The following GABBR2 variants were observed in gnomAD, a reference collection of about 807,000 sequenced individuals.
The protein encoded by GABBR2 is G-protein coupled receptor 51.
A neutral mutation model predicts 105.6 loss-of-function variants in GABBR2; 23 were observed. That is an observed-to-expected ratio of 0.22 (90% CI 0.16 to 0.31). The LOEUF (loss-of-function observed/expected upper bound fraction) is 0.31. Among genes scored for constraint, GABBR2 ranks in the 10% least tolerant of loss-of-function variants. The pLI is 1.00. For synonymous variants in GABBR2, 478 were observed against 499.7 expected (o/e 0.96, Z 0.58); for missense variants, 734 against 1,245.5 (o/e 0.59, Z 6.18).
chr9:98,417,694 G>T (rs974557801), intron 7 of GABBR2, among the ~76,000 whole-genome samples: 1 of 152,154 alleles, frequency 6.6e-6, no homozygotes, highest in Non-Finnish European at 1.5e-5. Context: ...CAAAATCGTT[G>T]TCTTCTAGAA....
At chr9:98,676,661 C>T (rs2131865738) in intron 1 of GABBR2, among the ~76,000 whole-genome samples, 1 of 152,290 alleles carries the variant, frequency 6.6e-6, no homozygotes, top group African/African-American at 2.4e-5. Context: ...ATTGCAACTA[C>T]TTCAATGAGG....
At chr9:98,707,848 C>T (rs966481026) in intron 1 of GABBR2, among the ~76,000 whole-genome samples, 6 of 152,230 alleles carry the variant, frequency 3.9e-5, no homozygotes, top group African/African-American at 1.4e-4. Context: ...CCCACACTTG[C>T]CCGCGCGGAG....
intron 1 of GABBR2, among the ~76,000 whole-genome samples, chr9:98,587,303 G>A (rs1372437320): frequency 1.3e-5 from 2 of 152,044 alleles, no homozygotes; most frequent in African/African-American, 2.4e-5. Context: ...ATCACCTCCC[G>A]CATTCTGAGT....
intron 4 of GABBR2, among the ~76,000 whole-genome samples, chr9:98,495,712 A>G (rs1330586071): frequency 2.0e-5 from 3 of 151,762 alleles, no homozygotes; most frequent in African/African-American, 7.3e-5. Flanking sequence ...TCCTCCACCA[A>G]ATGTTGTCTC....
chr9:98,664,796 G>T (rs1830312163), intron 1 of GABBR2, among the ~76,000 whole-genome samples: 1 of 152,116 alleles, frequency 6.6e-6, no homozygotes, highest in Non-Finnish European at 1.5e-5. Flanking sequence ...AGTATTTAGG[G>T]ATCCAGAAGT....
At chr9:98,702,234 C>T (rs895140251) in intron 1 of GABBR2, among the ~76,000 whole-genome samples, 11 of 152,076 alleles carry the variant, frequency 7.2e-5, no homozygotes, top group Admixed American at 3.3e-4. Flanking sequence ...CTCCTTGTCC[C>T]CCTAGGGTGC....
chr9:98,693,714 C>T (rs1257000802), intron 1 of GABBR2, among the ~76,000 whole-genome samples: 1 of 152,246 alleles, frequency 6.6e-6, no homozygotes, highest in Non-Finnish European at 1.5e-5. Flanking sequence ...AAGTTTTAAG[C>T]TCTTTCTACT....
chr9:98,603,156 C>G (rs1338728410), intron 1 of GABBR2, among the ~76,000 whole-genome samples: 2 of 152,222 alleles, frequency 1.3e-5, no homozygotes, highest in African/African-American at 2.4e-5. Context: ...AATACCCCCA[C>G]TCTCTCTGCC....
chr9:98,440,522 A>G (rs1466014030), intron 7 of GABBR2, among the ~76,000 whole-genome samples: 1 of 151,848 alleles, frequency 6.6e-6, no homozygotes, highest in East Asian at 1.9e-4. Flanking sequence ...CCCCCCTTCT[A>G]CAATTTACAA....
chr9:98,553,612 C>G (rs1171287695), intron 2 of GABBR2, among the ~76,000 whole-genome samples: 1 of 152,082 alleles, frequency 6.6e-6, no homozygotes, highest in Admixed American at 6.6e-5. Flanking sequence ...AAAAAAGAGG[C>G]AAAGCTGGGA....
At chr9:98,471,190 G>C (rs1298546233) in intron 6 of GABBR2, among the ~76,000 whole-genome samples, 2 of 152,182 alleles carry the variant, frequency 1.3e-5, no homozygotes, top group African/African-American at 4.8e-5. Flanking sequence ...TCGTAACTGT[G>C]GGGTAATGTA....
rs957369950 is a variant in GABBR2, at chr9:98,682,335, C to T, written c.321+26082G>A. Among the ~76,000 whole-genome samples, 9 of 145,810 alleles carry T rather than the reference C, an allele frequency of 6.2e-5. 1 individual carries two copies. Among genetic ancestry groups the T allele is most frequent in the Admixed American group, 3.4e-4 (5 of 14,564 alleles). Reference sequence around the variant, plus strand: ...TGAAAAAACAGGAAAAAATATTTACCACACACGAGATAGGAGATGGATTTT... The same window carrying T: ...TGAAAAAACAGGAAAAAATATTTACTACACACGAGATAGGAGATGGATTTT... On this transcript the variant is annotated intron_variant, in intron 1 of 18. Coordinates refer to ENST00000259455, the MANE Select transcript of GABBR2 (RefSeq NM_005458.8).
intron 1 of GABBR2, among the ~76,000 whole-genome samples, chr9:98,689,684 CAA>C (rs1311754306): frequency 3.9e-5 from 6 of 152,176 alleles, no homozygotes; most frequent in Non-Finnish European, 7.3e-5. Flanking sequence ...AGCTTTTCTT[CAA>C]AAGAGTCAAA....
chr9:98,364,182 T>C (rs902097579), intron 12 of GABBR2, among the ~76,000 whole-genome samples: 1 of 152,284 alleles, frequency 6.6e-6, no homozygotes, highest in South Asian at 2.1e-4. Flanking sequence ...TTCAAGGATA[T>C]GGTGAACTGC....
chr9:98,469,634 A>T (rs923490188), intron 6 of GABBR2, among the ~76,000 whole-genome samples: 3 of 152,198 alleles, frequency 2.0e-5, no homozygotes, highest in African/African-American at 7.2e-5. Flanking sequence ...GCCTTAAGTT[A>T]ATTACACCTG....
chr9:98,652,756 A>G (rs1830127202), intron 1 of GABBR2, among the ~76,000 whole-genome samples: 1 of 152,170 alleles, frequency 6.6e-6, no homozygotes, highest in Non-Finnish European at 1.5e-5. Context: ...ACTACAGGTG[A>G]GAAGAGCTGG....
intron 3 of GABBR2, among the ~76,000 whole-genome samples, chr9:98,512,515 T>C (rs569849038): frequency 5.4e-4 from 83 of 152,326 alleles, no homozygotes; most frequent in African/African-American, 1.9e-3. Context: ...AACCCCATCG[T>C]CTCAGCCCAA....
chr9:98,402,475 A>G (rs375470891), intron 8 of GABBR2, among the ~76,000 whole-genome samples: 1 of 152,174 alleles, frequency 6.6e-6, no homozygotes, highest in African/African-American at 2.4e-5. Flanking sequence ...GGATGCTAAT[A>G]CCTGCCTTAC....
intron 11 of GABBR2, 37 bp downstream of exon 11, chr9:98,385,599 ACTTT>A: frequency 1.9e-6 from 3 of 1,575,552 alleles, no homozygotes; most frequent in Non-Finnish European, 2.6e-6. Context: ...CACCAAGGAA[ACTTT>A]CTATCATATA....
Sources: gnomAD v4.1 joint callset for allele counts (sites outside exome capture counted in the v4.1 genomes callset) on GRCh38, gnomAD v4.1.1 for gene constraint, MANE v1.5 for transcripts, NCBI Gene and HGNC (gene_info 2026-07-23, HGNC 2026-07-21) for gene names.